The following MTRR variants were observed in gnomAD, a reference collection of about 807,000 sequenced individuals.
The protein encoded by MTRR is methionine synthase reductase.
Under a neutral mutation model 79.2 loss-of-function variants are expected in MTRR, and 63 were observed. That is an observed-to-expected ratio of 0.80 (90% confidence interval 0.65 to 0.98). MTRR has a LOEUF of 0.98. Among genes scored for constraint, MTRR ranks in the 50% least tolerant of loss-of-function variants. The probability of loss-of-function intolerance (pLI) is 0.00; values close to 1 mark genes in which losing one functional copy is unlikely to be tolerated. For missense variants in MTRR, 895 were observed against 839.6 expected (o/e 1.07, Z -0.82); for synonymous variants, 355 against 313.3 (o/e 1.13, Z -1.41).
At chr5:7,875,430 T>A in intron 4 of MTRR, 55 bp downstream of exon 4, 2 of 1,388,344 alleles carry the variant, frequency 1.4e-6, no homozygotes, top group Non-Finnish European at 2.1e-6. Context: ...TGATGGAAGT[T>A]GATTTGTAAA....
In MTRR at chr5:7,852,468, T is replaced by C. The variant is rs570186974; in HGVS notation, n.391+883T>C. Among the ~76,000 whole-genome samples the C allele has an allele frequency of 8.5e-5, 13 of 152,226 alleles. No individual in the cohort carries two copies. The South Asian group carries it at 2.5e-3, about 29-fold the overall frequency. The stretch of plus-strand genomic sequence containing the variant: ...TTCTTTGTCCCACTAACACATCTTT[T>C]TGCTCCATGGCCAGGCAGAACACAA... On this transcript the variant is annotated intron_variant and non_coding_transcript_variant, in intron 1 of 3. Transcript: ENST00000502509.
intron 2 of MTRR, chr5:7,862,735 G>C (rs1746639620): frequency 8.6e-7 from 1 of 1,166,698 alleles, no homozygotes; most frequent in African/African-American, 1.5e-5. Flanking sequence ...CATTTCCAGA[G>C]AACTTCTATT....
intron 8 of MTRR, among the ~76,000 whole-genome samples, chr5:7,888,694 A>G (rs1737022150): frequency 6.6e-6 from 1 of 152,204 alleles, no homozygotes; most frequent in South Asian, 2.1e-4. Context: ...ACCCATTAGC[A>G]TTTCACATAA....
intron 5 of MTRR, among the ~76,000 whole-genome samples, chr5:7,881,448 T>TAG (rs1735580871): frequency 6.6e-6 from 1 of 152,038 alleles, no homozygotes; most frequent in African/African-American, 2.4e-5. Context: ...AGGGAGTTCT[T>TAG]ACTCTTCATG....
At chr5:7,857,582 ACT>A (rs1354312088) in intron 1 of MTRR, among the ~76,000 whole-genome samples, 3 of 151,884 alleles carry the variant, frequency 2.0e-5, no homozygotes, top group South Asian at 2.1e-4. Context: ...CTTACAAATC[ACT>A]CTGAGGCTCT....
intron 11 of MTRR, among the ~76,000 whole-genome samples, chr5:7,894,483 A>G (rs1738165964): frequency 1.3e-5 from 2 of 152,214 alleles, no homozygotes; most frequent in African/African-American, 4.8e-5. Flanking sequence ...AAGCAGTCCC[A>G]CAGCCTTCGA....
At chr5:7,860,226 A>G (rs542130413) in intron 1 of MTRR, among the ~76,000 whole-genome samples, 1 of 152,324 alleles carries the variant, frequency 6.6e-6, no homozygotes, top group East Asian at 1.9e-4. Context: ...AAGATGGAGA[A>G]AAAAGTCAGC....
intron 9 of MTRR, chr5:7,890,327 A>G (rs2063906273): frequency 5.1e-6 from 5 of 985,176 alleles, no homozygotes; most frequent in Non-Finnish European, 6.0e-6. Flanking sequence ...TGCTCTTCTC[A>G]CCATCCTGTC....
rs370718250 is a variant in MTRR at position 7,854,298 on chromosome 5, G to C, written n.391+2713G>C. 6.6e-5 allele frequency among the ~76,000 whole-genome samples: 10 copies of C among 151,830 alleles called. No homozygotes were observed. The South Asian group carries it at 8.3e-4, about 13-fold the overall frequency. ...TGGGTTAAACATAGTGTATTAGTGA[G>C]GGTTCCCTCAAGGGACAGAACTAAT... On this transcript the variant is annotated intron_variant and non_coding_transcript_variant, in intron 1 of 3. Coordinates refer to the MTRR transcript ENST00000502509.
At chr5:7,872,282 A>T (rs1255948365) in intron 2 of MTRR, 3 of 450,018 alleles carry the variant, frequency 6.7e-6, no homozygotes, top group African/African-American at 6.0e-5. Context: ...GTTCATGGGC[A>T]GTAAAGCTTG....
rs1177724131 is a variant in MTRR at position 7,900,601 on chromosome 5, TAA to T, written c.*548_*549del. ...TTTGTTACTAAAGCTATATTTCTGATAAAAAATATTTTAGGATAATTGCCTAC... is the reference window on the plus strand; with the variant it reads ...TTTGTTACTAAAGCTATATTTCTGATAAAATATTTTAGGATAATTGCCTAC... On this transcript the variant is annotated 3_prime_UTR_variant, in exon 15 of 15. Coordinates refer to ENST00000440940, the MANE Select transcript of MTRR (RefSeq NM_002454.3). 2 of 153,016 alleles carry T rather than the reference TAA, an allele frequency of 1.3e-5. No homozygotes were observed. The highest frequency in any genetic ancestry group is 6.5e-5 in the Admixed American group (1 of 15,336). The allele number at this position is 153,016 out of a possible 1,614,324, so 9.5% of individuals were successfully genotyped here.
chr5:7,885,924 G>T (rs1354472897), intron 7 of MTRR, 70 bp downstream of exon 7: 4 of 1,602,330 alleles, frequency 2.5e-6, no homozygotes, highest in Non-Finnish European at 2.6e-6. Flanking sequence ...TGAGAGTGTG[G>T]CTCTAAGGTT....
chr5:7,866,722 T>A, upstream of MTRR: 1 of 1,613,576 alleles, frequency 6.2e-7, no homozygotes, highest in Non-Finnish European at 8.5e-7. Flanking sequence ...TAAGTGAACA[T>A]GAATGAAGAA....
At chr5:7,861,273 A>G in intron 1 of MTRR, 1 of 1,395,584 alleles carries the variant, frequency 7.2e-7, no homozygotes. Flanking sequence ...CCTGAAAAAT[A>G]AAAAAGGAGA....
intron 6 of MTRR, among the ~76,000 whole-genome samples, chr5:7,884,132 C>T (rs1186710962): frequency 6.6e-6 from 1 of 152,036 alleles, no homozygotes; most frequent in Non-Finnish European, 1.5e-5. Context: ...CCACTGCACT[C>T]CAGCCTGGGT....
At position 7,900,287 on chromosome 5, in the gene MTRR, C is replaced by A. The variant is rs767789800; in HGVS notation, c.*229C>A. On this transcript the variant is annotated 3_prime_UTR_variant, in exon 15 of 15. Coordinates refer to ENST00000440940, the MANE Select transcript of MTRR (RefSeq NM_002454.3). ...TGCCTGTGACTCTCCCCAAATTGCC[C>A]TGTTGCCTTGAGCTCTTCTGAGCTA... 2.8e-5 allele frequency: 15 copies of A among 528,196 alleles called. No individual in the cohort carries two copies. The highest frequency in any genetic ancestry group is 6.6e-5 in the Admixed American group (2 of 30,502). The allele number at this position is 528,196 out of a possible 1,614,324, so 32.7% of individuals were successfully genotyped here.
At chr5:7,861,475 T>G in intron 1 of MTRR, 1 of 809,414 alleles carries the variant, frequency 1.2e-6, no homozygotes, top group Non-Finnish European at 1.8e-6. Flanking sequence ...TGTAGTATTT[T>G]AATTTCCAGA....
chr5:7,885,637 C>T (rs1488665331), intron 6 of MTRR, 64 bp from the exon 7 acceptor site: 2 of 1,496,404 alleles, frequency 1.3e-6, no homozygotes, highest in African/African-American at 1.4e-5. Context: ...TTTTGTTACC[C>T]TACAGCTTAA....
At chr5:7,879,525 G>C (rs1292595564) in intron 5 of MTRR, among the ~76,000 whole-genome samples, 1 of 150,416 alleles carries the variant, frequency 6.6e-6, no homozygotes. Flanking sequence ...TCATTAAATA[G>C]GCTTGAGTTG....
Sources: gnomAD v4.1 joint callset for allele counts (sites outside exome capture counted in the v4.1 genomes callset) on GRCh38, gnomAD v4.1.1 for gene constraint, MANE v1.5 for transcripts, NCBI Gene and HGNC (gene_info 2026-07-23, HGNC 2026-07-21) for gene names.